MAP4K3: variants seen among roughly 807,000 people sequenced by gnomAD.
The protein encoded by MAP4K3 is MAPK/ERK kinase kinase kinase 3.
A neutral mutation model predicts 143.5 loss-of-function variants in MAP4K3; 94 were observed. The observed-to-expected ratio is 0.65, with a 90% CI of 0.55 to 0.78. The LOEUF (loss-of-function observed/expected upper bound fraction) is 0.78. Ranked by LOEUF, MAP4K3 falls within the 30% of genes least tolerant of loss-of-function variation. MAP4K3 has a pLI of 0.00. For synonymous variants in MAP4K3, 416 were observed against 347.2 expected, an observed-to-expected ratio of 1.20 and a Z score of -2.20; for missense variants, 1,077 against 1,068.1, an observed-to-expected ratio of 1.01 and a Z score of -0.12.
chr2:39,365,810 A>T (rs186415820), intron 2 of MAP4K3, among the ~76,000 whole-genome samples: 36 of 152,318 alleles, frequency 2.4e-4, no homozygotes, highest in African/African-American at 8.2e-4. Context: ...AAAAATCAAC[A>T]AGGTTTCTCA....
At chr2:39,293,332 T>C (rs966941042) in intron 16 of MAP4K3, 64 bp from the exon 17 acceptor site, 4 of 1,031,480 alleles carry the variant, frequency 3.9e-6, no homozygotes, top group Non-Finnish European at 5.7e-6. Flanking sequence ...ATCGAATGTG[T>C]TTTTATCATT....
rs749695918 is a variant in MAP4K3 at position 39,378,143 on chromosome 2, A to C, written c.97-20T>G. ...CCGTGCCTAAAAGAAAGAGGAAAAA[A>C]GGATTATTGTGAAGAAAGCTTTCAT... On this transcript the variant is annotated intron_variant, in intron 1 of 33. Coordinates refer to ENST00000263881, the MANE Select transcript of MAP4K3 (RefSeq NM_003618.4). 1.4e-6 allele frequency: 2 copies of C among 1,454,704 alleles called. No homozygotes were observed. Among genetic ancestry groups the C allele is most frequent in the Non-Finnish European group, 1.9e-6 (2 of 1,056,788 alleles). The allele number at this position is 1,454,704 out of a possible 1,614,324, so 90.1% of individuals were successfully genotyped here. A position where few individuals can be genotyped will look rare whatever the true frequency, so the allele number is the denominator to read the frequency against.
chr2:39,267,733 A>G (rs747905086), intron 26 of MAP4K3, among the ~76,000 whole-genome samples: 9 of 152,048 alleles, frequency 5.9e-5, no homozygotes, highest in East Asian at 1.9e-4. Flanking sequence ...ATGGCCCCCA[A>G]TCAGTTCCAA....
intron 7 of MAP4K3, among the ~76,000 whole-genome samples, chr2:39,332,892 T>C (rs531818477): frequency 3.9e-5 from 6 of 152,222 alleles, no homozygotes; most frequent in Admixed American, 1.3e-4. Flanking sequence ...GTTTATCTAA[T>C]AGATATAGTT....
chr2:39,263,774 G>C (rs999914567), intron 28 of MAP4K3, among the ~76,000 whole-genome samples: 1 of 152,138 alleles, frequency 6.6e-6, no homozygotes, highest in Non-Finnish European at 1.5e-5. Context: ...TTAGAGCCAG[G>C]CCAAGCACCC....
chr2:39,256,687 C>A (rs554345606), intron 31 of MAP4K3, among the ~76,000 whole-genome samples: 1 of 152,152 alleles, frequency 6.6e-6, no homozygotes, highest in East Asian at 1.9e-4. Flanking sequence ...GTTTTCTGTA[C>A]TAATCTTGTT....
chr2:39,401,679 T>C (rs564984536), intron 1 of MAP4K3, among the ~76,000 whole-genome samples: 3 of 151,870 alleles, frequency 2.0e-5, no homozygotes, highest in East Asian at 3.9e-4. Context: ...CCCGTGCCTG[T>C]AGTCTCAGCT....
intron 3 of MAP4K3, among the ~76,000 whole-genome samples, chr2:39,347,804 T>A (rs918490060): frequency 6.6e-6 from 1 of 152,122 alleles, no homozygotes; most frequent in Non-Finnish European, 1.5e-5. Flanking sequence ...ACTAAAGTCA[T>A]GTTAATCACA....
chr2:39,363,992 T>TAAAAAAAAAAAAAAAAAA, intron 2 of MAP4K3, among the ~76,000 whole-genome samples: 2 of 129,158 alleles, frequency 1.5e-5, no homozygotes, highest in Non-Finnish European at 3.2e-5. Flanking sequence ...ATAGCCATTA[T>TAAAAAAAAAAAAAAAAAA]AAAAAAAAAA....
chr2:39,352,308 G>A (rs1295969608), intron 3 of MAP4K3, among the ~76,000 whole-genome samples: 2 of 152,038 alleles, frequency 1.3e-5, no homozygotes, highest in Non-Finnish European at 2.9e-5. Flanking sequence ...ATAAATAAAT[G>A]AGCATTTATT....
intron 14 of MAP4K3, 107 bp downstream of exon 14, chr2:39,309,354 T>A (rs1682855359): frequency 2.5e-6 from 2 of 812,090 alleles, no homozygotes; most frequent in Admixed American, 5.6e-5. Context: ...CTCGAATGTT[T>A]TTGAAAATAT....
chr2:39,423,564 A>G (rs1664959403), intron 1 of MAP4K3, among the ~76,000 whole-genome samples: 1 of 152,356 alleles, frequency 6.6e-6, no homozygotes, highest in East Asian at 1.9e-4. Flanking sequence ...TAAACATACA[A>G]TGAGATATTA....
chr2:39,338,557 T>C (rs1371909055), intron 4 of MAP4K3, among the ~76,000 whole-genome samples: 2 of 152,216 alleles, frequency 1.3e-5, no homozygotes, highest in South Asian at 2.1e-4. Context: ...AGTGGAATCA[T>C]ACAATTCTGA....
At chr2:39,361,344 T>C (rs1665765279) in intron 2 of MAP4K3, among the ~76,000 whole-genome samples, 1 of 152,108 alleles carries the variant, frequency 6.6e-6, no homozygotes, top group Non-Finnish European at 1.5e-5. Flanking sequence ...CTTAACATAT[T>C]ATATGTTTAC....
At chr2:39,312,252 T>C (rs1682965617) in intron 13 of MAP4K3, among the ~76,000 whole-genome samples, 1 of 152,198 alleles carries the variant, frequency 6.6e-6, no homozygotes, top group Non-Finnish European at 1.5e-5. Flanking sequence ...TCAGTATCTT[T>C]ACCTTTTATT....
chr2:39,427,380 C>G (rs1281962472), intron 1 of MAP4K3, among the ~76,000 whole-genome samples: 3 of 151,786 alleles, frequency 2.0e-5, no homozygotes, highest in Non-Finnish European at 4.4e-5. Flanking sequence ...AATCTGAACC[C>G]AGAATGAAGG....
At position 39,393,554 on chromosome 2, in the gene MAP4K3, C is replaced by T. The variant is rs546435382; in HGVS notation, c.97-15431G>A. ...TTAATTTTTTAAAATATTTTTTGCG[C>T]AGGGCCCATGCTAATCTTCTCTGTA... On this transcript the variant is annotated intron_variant, in intron 1 of 33. Transcript: ENST00000263881. Among the ~76,000 whole-genome samples the T allele has an allele frequency of 1.0e-3, 154 of 152,152 alleles. 1 individual carries two copies. The highest frequency in any genetic ancestry group is 3.3e-3 in the African/African-American group (139 of 41,546).
chr2:39,265,275 T>C lies in MAP4K3; in HGVS notation c.2064A>G (p.Leu688=). 1.2e-6 allele frequency: 2 copies of C among 1,613,224 alleles called. No individual in the cohort carries two copies. The highest frequency in any genetic ancestry group is 8.5e-7 in the Non-Finnish European group (1 of 1,179,276). Residue 688 remains leucine, a synonymous_variant, in exon 28 of 34, where the codon CTA becomes CTG. Coordinates refer to ENST00000263881, the MANE Select transcript of MAP4K3 (RefSeq NM_003618.4). The stretch of plus-strand genomic sequence containing the variant: ...CAATGCTAGTCTGAAGTGCTCCACA[T>C]AGGTATTTATGGCCCGTGTAAGGAT... ...VRNPYTGHKY[L]CGALQTSIVL...
chr2:39,352,826 G>A (rs1665497676), intron 3 of MAP4K3, among the ~76,000 whole-genome samples: 1 of 152,018 alleles, frequency 6.6e-6, no homozygotes, highest in Non-Finnish European at 1.5e-5. Flanking sequence ...TCTCTGAGGG[G>A]GAAATTTATC....
Sources: allele counts gnomAD v4.1 joint callset (sites outside exome capture counted in the v4.1 genomes callset), GRCh38; gene constraint gnomAD v4.1.1; transcripts MANE v1.5; gene names NCBI Gene and HGNC (gene_info 2026-07-23, HGNC 2026-07-21).